The following NCKAP5 variants were observed in gnomAD, a reference collection of about 807,000 sequenced individuals.
The protein encoded by NCKAP5 is NCK associated protein 5, also known as nck-associated protein 5.
NCKAP5 carries 92 observed loss-of-function variants against 167.0 expected under a neutral mutation model. That is an observed-to-expected ratio of 0.55 (90% CI 0.47 to 0.66). The LOEUF (loss-of-function observed/expected upper bound fraction) is 0.66, where lower values mean the gene tolerates loss of function less well. Ranked by LOEUF, NCKAP5 falls within the 30% of genes least tolerant of loss-of-function variation. The probability of loss-of-function intolerance (pLI) is 0.00; values close to 1 mark genes in which losing one functional copy is unlikely to be tolerated. For synonymous variants in NCKAP5, 891 were observed against 877.4 expected (o/e 1.02, Z -0.27); for missense variants, 2,378 against 2,315.0 (o/e 1.03, Z -0.56).
At chr2:132,980,663 G>C (rs2077107563) in intron 7 of NCKAP5, among the ~76,000 whole-genome samples, 1 of 152,054 alleles carries the variant, frequency 6.6e-6, no homozygotes, top group South Asian at 2.1e-4. Context: ...TTAATGTGAG[G>C]TTCAAATGAG....
intron 3 of NCKAP5, among the ~76,000 whole-genome samples, chr2:133,499,847 C>T (rs1373984018): frequency 2.0e-5 from 3 of 152,290 alleles, no homozygotes; most frequent in South Asian, 4.2e-4. Flanking sequence ...CGTGAGCCAC[C>T]GCGCCTGGCC....
At chr2:133,326,462 A>C (rs1267484943) in intron 3 of NCKAP5, among the ~76,000 whole-genome samples, 1 of 149,124 alleles carries the variant, frequency 6.7e-6, no homozygotes, top group African/African-American at 2.5e-5. Flanking sequence ...TCTCAACAAA[A>C]AAAAAAAAAA....
At chr2:132,920,723 A>T (rs1425326376) in intron 8 of NCKAP5, among the ~76,000 whole-genome samples, 1 of 116,456 alleles carries the variant, frequency 8.6e-6, no homozygotes, top group Admixed American at 1.1e-4. Context: ...ATATATGTAT[A>T]TATATATATG....
At chr2:133,388,684 C>G (rs1687175081) in intron 3 of NCKAP5, among the ~76,000 whole-genome samples, 1 of 152,192 alleles carries the variant, frequency 6.6e-6, no homozygotes, top group South Asian at 2.1e-4. Flanking sequence ...TGGGATCCAC[C>G]CAGTCCAAGC....
intron 3 of NCKAP5, among the ~76,000 whole-genome samples, chr2:133,458,699 A>G: frequency 6.6e-6 from 1 of 152,188 alleles, no homozygotes; most frequent in East Asian, 1.9e-4. Flanking sequence ...AGTTATGGAT[A>G]CATTTTCCTG....
intron 9 of NCKAP5, 33 bp from the exon 10 acceptor site, chr2:132,869,007 A>G (rs1690583176): frequency 2.7e-6 from 4 of 1,479,880 alleles, no homozygotes; most frequent in East Asian, 2.5e-5. Flanking sequence ...TGTCATTTAT[A>G]ATAATGAGAC....
chr2:133,255,140 G>C (rs1042067540), intron 4 of NCKAP5, among the ~76,000 whole-genome samples: 1 of 152,002 alleles, frequency 6.6e-6, no homozygotes, highest in Admixed American at 6.5e-5. Flanking sequence ...ATAAAAGAAA[G>C]AAAAAAGGAA....
At chr2:133,189,377 C>T (rs2085103430) in intron 5 of NCKAP5, among the ~76,000 whole-genome samples, 1 of 152,142 alleles carries the variant, frequency 6.6e-6, no homozygotes, top group Admixed American at 6.5e-5. Flanking sequence ...TGGTACCGTT[C>T]CTTCTGAAAC....
intron 11 of NCKAP5, among the ~76,000 whole-genome samples, chr2:132,796,939 T>C (rs945702580): frequency 3.9e-5 from 6 of 152,232 alleles, no homozygotes; most frequent in Admixed American, 3.3e-4. Flanking sequence ...ACAATAGTGA[T>C]GCTTTTACAG....
chr2:133,169,037 A>T (rs1021286904), intron 5 of NCKAP5, among the ~76,000 whole-genome samples: 1 of 152,196 alleles, frequency 6.6e-6, no homozygotes, highest in African/African-American at 2.4e-5. Context: ...TGTACAAACC[A>T]GTCTTGAACC....
intron 5 of NCKAP5, among the ~76,000 whole-genome samples, chr2:133,186,839 AT>A (rs2084967039): frequency 6.6e-6 from 1 of 151,806 alleles, no homozygotes; most frequent in Non-Finnish European, 1.5e-5. Context: ...GGACAATATA[AT>A]TTTTCTTCTT....
intron 4 of NCKAP5, among the ~76,000 whole-genome samples, chr2:133,293,001 C>T (rs1257445851): frequency 6.6e-6 from 1 of 152,174 alleles, no homozygotes; most frequent in Non-Finnish European, 1.5e-5. Flanking sequence ...CATCAGCCCT[C>T]ACTCCAATTC....
the NCKAP5 span, among the ~76,000 whole-genome samples, chr2:133,655,595 C>A: frequency 1.3e-5 from 2 of 152,104 alleles, no homozygotes; most frequent in African/African-American, 4.8e-5. Context: ...GTCATGGAAC[C>A]CTACCTTGCC....
intron 3 of NCKAP5, among the ~76,000 whole-genome samples, chr2:133,331,857 T>C (rs1412451053): frequency 6.6e-6 from 1 of 152,232 alleles, no homozygotes; most frequent in East Asian, 1.9e-4. Context: ...TGCCTTTATC[T>C]TCCTGGTCCT....
At chr2:133,298,879 T>C (rs1345819491) in intron 4 of NCKAP5, among the ~76,000 whole-genome samples, 1 of 152,114 alleles carries the variant, frequency 6.6e-6, no homozygotes, top group Admixed American at 6.5e-5. Context: ...AATAAAACTA[T>C]CAGAATCAGG....
At chr2:133,223,456 T>A (rs1400054206) in intron 4 of NCKAP5, among the ~76,000 whole-genome samples, 1 of 152,146 alleles carries the variant, frequency 6.6e-6, no homozygotes, top group East Asian at 1.9e-4. Flanking sequence ...CAGGTGCACC[T>A]GTCGTGTGGG....
chr2:133,257,429 T>C (rs1199628696), intron 4 of NCKAP5, among the ~76,000 whole-genome samples: 4 of 152,212 alleles, frequency 2.6e-5, no homozygotes, highest in Non-Finnish European at 5.9e-5. Flanking sequence ...ACAAATGAGT[T>C]ATTAATTAAG....
chr2:133,492,443 A>G (rs561004694), intron 3 of NCKAP5, among the ~76,000 whole-genome samples: 4 of 152,266 alleles, frequency 2.6e-5, no homozygotes, highest in Non-Finnish European at 4.4e-5. Flanking sequence ...TGTGATTTTC[A>G]GTTCTATTTC....
chr2:132,755,441 A>AATT (rs1235594926), intron 16 of NCKAP5, among the ~76,000 whole-genome samples: 3 of 152,162 alleles, frequency 2.0e-5, no homozygotes, highest in African/African-American at 7.2e-5. Context: ...ACTCATGGTG[A>AATT]ATTACGGGCA....
Sources: allele counts gnomAD v4.1 joint callset (sites outside exome capture counted in the v4.1 genomes callset), GRCh38; gene constraint gnomAD v4.1.1; transcripts MANE v1.5; gene names NCBI Gene and HGNC (gene_info 2026-07-23, HGNC 2026-07-21).